Variants in PAMR1 observed in about 807,000 individuals in gnomAD.
PAMR1 encodes inactive serine protease PAMR1.
Under a neutral mutation model 81.8 loss-of-function variants are expected in PAMR1, and 88 were observed. The observed-to-expected ratio is 1.08, with a 90% CI of 0.91 to 1.28. The LOEUF is 1.28. Ranked by LOEUF, PAMR1 falls within the 50% of genes most tolerant of loss-of-function variation. The pLI is 0.00. For missense variants in PAMR1, 935 were observed against 919.7 expected, an observed-to-expected ratio of 1.02 and a Z score of -0.21; for synonymous variants, 336 against 345.3, an observed-to-expected ratio of 0.97 and a Z score of 0.30.
intron 1 of PAMR1, among the ~76,000 whole-genome samples, chr11:35,496,751 G>A (rs1296294817): frequency 5.3e-5 from 8 of 152,152 alleles, no homozygotes; most frequent in African/African-American, 1.9e-4. Context: ...TACACTTCTA[G>A]GTATAGATCT....
At chr11:35,516,664 G>A (rs559399178) in intron 1 of PAMR1, among the ~76,000 whole-genome samples, 4 of 152,282 alleles carry the variant, frequency 2.6e-5, no homozygotes, top group South Asian at 2.1e-4. Context: ...AATGAACAGC[G>A]CAAACCCATG....
upstream of PAMR1, among the ~76,000 whole-genome samples, chr11:35,526,888 T>A (rs562081359): frequency 6.6e-6 from 1 of 152,314 alleles, no homozygotes; most frequent in South Asian, 2.1e-4. Context: ...GTTTTAATTT[T>A]GTTCTCTAGA....
chr11:35,463,093 T>C (rs1056968157), intron 6 of PAMR1, among the ~76,000 whole-genome samples: 1 of 152,232 alleles, frequency 6.6e-6, no homozygotes, highest in East Asian at 1.9e-4. Flanking sequence ...GGGGTCTCAG[T>C]ACGTTCTCAC....
At chr11:35,525,666 A>G (rs1165808850), upstream of PAMR1, 4 of 1,216,964 alleles carry the variant, frequency 3.3e-6, no homozygotes, top group East Asian at 4.9e-5. Flanking sequence ...CGGGTTTTAC[A>G]GGGACCTCCC....
chr11:35,518,158 C>T (rs116305604), intron 1 of PAMR1, among the ~76,000 whole-genome samples: 1,751 of 151,992 alleles, frequency 0.012, 29 homozygotes, highest in African/African-American at 0.04. Flanking sequence ...AGTTAACCCC[C>T]TGGGAGGCAA....
intron 5 of PAMR1, 73 bp from the exon 6 acceptor site, chr11:35,468,181 A>C (rs1258581983): frequency 8.5e-5 from 71 of 831,506 alleles, no homozygotes; most frequent in Non-Finnish European, 1.9e-6. Flanking sequence ...GTCTTGACCA[A>C]AGTCTTTTAA....
intron 1 of PAMR1, among the ~76,000 whole-genome samples, chr11:35,515,615 A>T (rs1350300552): frequency 6.6e-6 from 1 of 152,186 alleles, no homozygotes; most frequent in African/African-American, 2.4e-5. Context: ...AGGGGGCCTC[A>T]GTGTTTGGGG....
At chr11:35,521,915 GT>G (rs955580689) in intron 1 of PAMR1, among the ~76,000 whole-genome samples, 2 of 150,048 alleles carry the variant, frequency 1.3e-5, no homozygotes, top group Admixed American at 6.6e-5. Context: ...TTTTTGTTTG[GT>G]TTTTTTTTGT....
chr11:35,463,749 C>T (rs1180554791), intron 6 of PAMR1, among the ~76,000 whole-genome samples: 2 of 152,188 alleles, frequency 1.3e-5, no homozygotes, highest in Non-Finnish European at 2.9e-5. Context: ...CCTTCGGAAA[C>T]AATCTAGGGC....
At chr11:35,501,038 C>T (rs1465353231) in intron 1 of PAMR1, among the ~76,000 whole-genome samples, 1 of 152,128 alleles carries the variant, frequency 6.6e-6, no homozygotes, top group Non-Finnish European at 1.5e-5. Context: ...AAACACCATA[C>T]ACTTAGCCCA....
chr11:35,493,512 T>C (rs575493776), intron 2 of PAMR1, among the ~76,000 whole-genome samples: 1 of 152,232 alleles, frequency 6.6e-6, no homozygotes, highest in East Asian at 1.9e-4. Context: ...TAGTTGCATC[T>C]CCCAAAACCC....
intron 3 of PAMR1, among the ~76,000 whole-genome samples, chr11:35,483,911 T>G (rs1262059321): frequency 6.6e-6 from 1 of 152,220 alleles, no homozygotes; most frequent in African/African-American, 2.4e-5. Flanking sequence ...ATACAATACT[T>G]TGTCTGGTGA....
intron 6 of PAMR1, among the ~76,000 whole-genome samples, chr11:35,450,525 TG>T (rs1856393224): frequency 6.6e-6 from 1 of 152,156 alleles, no homozygotes; most frequent in Non-Finnish European, 1.5e-5. Context: ...CTCCATGATG[TG>T]GGAGGAAAAG....
At chr11:35,439,843 C>T in intron 7 of PAMR1, 150 bp from the exon 8 acceptor site, 1 of 658,524 alleles carries the variant, frequency 1.5e-6, no homozygotes, top group Non-Finnish European at 2.7e-6. Flanking sequence ...CAAGCTTGAA[C>T]ATCTCACTTT....
At chr11:35,483,425 C>A (rs1279720191) in intron 3 of PAMR1, among the ~76,000 whole-genome samples, 2 of 152,136 alleles carry the variant, frequency 1.3e-5, no homozygotes, top group Non-Finnish European at 2.9e-5. Context: ...CTTGCACAGG[C>A]AAATTCCATT....
At position 35,447,943 on chromosome 11, in the gene PAMR1, TTTTC is replaced by T. The variant is rs549851304; in HGVS notation, c.821-6254_821-6251del. ...ATATGAAATTCTGGGTTGGAAATTC[TTTTC>T]TTTAAGAATGTTGAATATTGGCCCC... On this transcript the variant is annotated intron_variant, in intron 6 of 10. Coordinates refer to ENST00000619888, the MANE Select transcript of PAMR1 (RefSeq NM_001001991.3). Among the ~76,000 whole-genome samples, 22 of 152,354 alleles carry T rather than the reference TTTTC, an allele frequency of 1.4e-4. No homozygotes were observed. In the East Asian group the frequency reaches 4.2e-3, roughly 29 times the overall value.
At chr11:35,507,908 A>G (rs1421649091) in intron 1 of PAMR1, among the ~76,000 whole-genome samples, 6 of 152,074 alleles carry the variant, frequency 3.9e-5, no homozygotes, top group Non-Finnish European at 5.9e-5. Context: ...CCTGTTCCAA[A>G]TTGGGGAATT....
At chr11:35,463,469 G>A (rs947576381) in intron 6 of PAMR1, among the ~76,000 whole-genome samples, 11 of 152,332 alleles carry the variant, frequency 7.2e-5, no homozygotes, top group African/African-American at 2.4e-4. Flanking sequence ...GGAAATTAGA[G>A]CAGGACGATG....
chr11:35,502,928 C>G (rs962502257), intron 1 of PAMR1, among the ~76,000 whole-genome samples: 1 of 152,136 alleles, frequency 6.6e-6, no homozygotes, highest in Non-Finnish European at 1.5e-5. Context: ...AGATCAATGT[C>G]CTGGAGCATT....
Sources: allele counts gnomAD v4.1 joint callset (sites outside exome capture counted in the v4.1 genomes callset), GRCh38; gene constraint gnomAD v4.1.1; transcripts MANE v1.5; gene names NCBI Gene and HGNC (gene_info 2026-07-23, HGNC 2026-07-21).